Variants in KIF16B observed in about 807,000 individuals in gnomAD.
The protein encoded by KIF16B is kinesin-like protein KIF16B.
Under a neutral mutation model 156.3 loss-of-function variants are expected in KIF16B, and 98 were observed. The observed-to-expected ratio is 0.63, with a 90% CI of 0.53 to 0.74. The LOEUF is 0.74. Among genes scored for constraint, KIF16B ranks in the 30% least tolerant of loss-of-function variants. The pLI, the probability that KIF16B is intolerant of heterozygous loss-of-function variation, is 0.00. For synonymous variants in KIF16B, 564 were observed against 583.7 expected (o/e 0.97, Z 0.49); for missense variants, 1,421 against 1,606.5 (o/e 0.88, Z 1.97).
intron 24 of KIF16B, among the ~76,000 whole-genome samples, chr20:16,327,556 C>T (rs944694164): frequency 2.6e-5 from 4 of 152,146 alleles, no homozygotes; most frequent in African/African-American, 9.7e-5. Flanking sequence ...CCCAATTACA[C>T]ACTCCTGAGC....
chr20:16,312,763 A>T (rs1601547422), intron 24 of KIF16B, among the ~76,000 whole-genome samples: 1 of 130,988 alleles, frequency 7.6e-6, no homozygotes. Flanking sequence ...TTCTTCTTTC[A>T]GTCCTCCCAC....
chr20:16,461,083 AAAG>A (rs2067334425), intron 12 of KIF16B, among the ~76,000 whole-genome samples: 1 of 152,070 alleles, frequency 6.6e-6, no homozygotes. Context: ...AAAATATAAA[AAAG>A]AATAAGGAAA....
intron 1 of KIF16B, among the ~76,000 whole-genome samples, chr20:16,537,127 A>T (rs1207266487): frequency 2.0e-5 from 3 of 152,002 alleles, no homozygotes; most frequent in Non-Finnish European, 4.4e-5. Flanking sequence ...CCTTCCATAA[A>T]ACACATCTCA....
At chr20:16,522,762 A>G (rs1428391287) in intron 3 of KIF16B, among the ~76,000 whole-genome samples, 1 of 152,154 alleles carries the variant, frequency 6.6e-6, no homozygotes, top group Non-Finnish European at 1.5e-5. Flanking sequence ...TGACCACATA[A>G]TTGGAAGTAA....
At chr20:16,546,839 C>T (rs1286862027) in intron 1 of KIF16B, among the ~76,000 whole-genome samples, 2 of 152,008 alleles carry the variant, frequency 1.3e-5, no homozygotes, top group African/African-American at 2.4e-5. Context: ...TGCAGTGGTG[C>T]AATCTTGACT....
chr20:16,409,809 C>T lies in KIF16B; in HGVS notation c.1613-3353G>A, dbSNP rs73898711. Among the ~76,000 whole-genome samples, 1,198 of 150,800 alleles carry T rather than the reference C, an allele frequency of 7.9e-3. 8 individuals are homozygous for T. Among genetic ancestry groups the T allele is most frequent in the Middle Eastern group, 0.051 (15 of 294 alleles). Reference sequence around the variant, plus strand: ...ACAGACTGAGAACACTGGAAAAGGACCAAGATGGGGTGGGGAAAAATCATG... The same window carrying T: ...ACAGACTGAGAACACTGGAAAAGGATCAAGATGGGGTGGGGAAAAATCATG... On this transcript the variant is annotated intron_variant, in intron 15 of 25. Transcript: ENST00000354981.
At chr20:16,275,347 C>T (rs555110682) in intron 25 of KIF16B, among the ~76,000 whole-genome samples, 26 of 152,318 alleles carry the variant, frequency 1.7e-4, no homozygotes, top group Admixed American at 5.2e-4. Context: ...TGAGCCACTG[C>T]GCCCGGCCAG....
At chr20:16,421,248 T>C (rs537151161) in intron 15 of KIF16B, among the ~76,000 whole-genome samples, 17 of 152,176 alleles carry the variant, frequency 1.1e-4, no homozygotes, top group Non-Finnish European at 2.2e-4. Context: ...TTTCAAAGAA[T>C]AAAAATGCTA....
intron 22 of KIF16B, among the ~76,000 whole-genome samples, chr20:16,359,906 C>G (rs2064519705): frequency 1.3e-5 from 2 of 152,142 alleles, no homozygotes; most frequent in Non-Finnish European, 2.9e-5. Context: ...AGATATTTCT[C>G]TCTTCATTAC....
intron 25 of KIF16B, among the ~76,000 whole-genome samples, chr20:16,304,629 A>G (rs1334210610): frequency 6.6e-6 from 1 of 152,228 alleles, no homozygotes; most frequent in Non-Finnish European, 1.5e-5. Flanking sequence ...GTATTTATTT[A>G]ATCTCTATGT....
At chr20:16,497,759 C>T in intron 10 of KIF16B, 81 bp from the exon 11 acceptor site, 1 of 1,025,588 alleles carries the variant, frequency 9.8e-7, no homozygotes, top group Non-Finnish European at 1.5e-6. Flanking sequence ...GTAAATTATC[C>T]AAAATTTCAC....
chr20:16,511,920 A>T (rs928492853), intron 5 of KIF16B, among the ~76,000 whole-genome samples: 15 of 152,100 alleles, frequency 9.9e-5, no homozygotes, highest in African/African-American at 3.6e-4. Context: ...GCCGAGGCAG[A>T]TGGATCACTT....
At chr20:16,463,016 C>T (rs971088484) in intron 12 of KIF16B, among the ~76,000 whole-genome samples, 1 of 152,192 alleles carries the variant, frequency 6.6e-6, no homozygotes, top group African/African-American at 2.4e-5. Context: ...ACATCTAGTC[C>T]TAACCAGATC....
At chr20:16,442,334 A>ATGTGTGGGTG (rs1555773708) in intron 12 of KIF16B, among the ~76,000 whole-genome samples, 2 of 145,180 alleles carry the variant, frequency 1.4e-5, no homozygotes, top group East Asian at 4.0e-4. Flanking sequence ...CCATTTCACA[A>ATGTGTGGGTG]TGTGTGTGTG....
intron 24 of KIF16B, among the ~76,000 whole-genome samples, chr20:16,328,878 C>T (rs2063901239): frequency 6.6e-6 from 1 of 152,122 alleles, no homozygotes; most frequent in Non-Finnish European, 1.5e-5. Context: ...ACCTAGTCAC[C>T]TCCCAAAGGC....
chr20:16,448,764 A>C (rs147796252), intron 12 of KIF16B, among the ~76,000 whole-genome samples: 2 of 152,334 alleles, frequency 1.3e-5, no homozygotes, highest in East Asian at 3.9e-4. Flanking sequence ...AAGCAAAATA[A>C]AGGGAACAGC....
intron 24 of KIF16B, among the ~76,000 whole-genome samples, chr20:16,314,323 G>C (rs1269137995): frequency 6.6e-6 from 1 of 152,142 alleles, no homozygotes; most frequent in Non-Finnish European, 1.5e-5. Context: ...TCTCTTAAAG[G>C]TGTCTTTGAT....
chr20:16,325,060 A>C (rs1457641208), intron 24 of KIF16B, among the ~76,000 whole-genome samples: 1 of 152,164 alleles, frequency 6.6e-6, no homozygotes, highest in Non-Finnish European at 1.5e-5. Context: ...TCCCATGATC[A>C]TCTCAAGAGA....
At chr20:16,427,814 T>C (rs1220374596) in intron 14 of KIF16B, among the ~76,000 whole-genome samples, 4 of 152,156 alleles carry the variant, frequency 2.6e-5, no homozygotes, top group Admixed American at 1.3e-4. Flanking sequence ...TCTCAGGGCA[T>C]GCAGCTGCTA....
Sources: allele counts gnomAD v4.1 joint callset (sites outside exome capture counted in the v4.1 genomes callset), GRCh38; gene constraint gnomAD v4.1.1; transcripts MANE v1.5; gene names NCBI Gene and HGNC (gene_info 2026-07-23, HGNC 2026-07-21).